WWOX: variants seen among roughly 807,000 people sequenced by gnomAD.
WWOX encodes WW domain-containing oxidoreductase.
WWOX carries 69 observed loss-of-function variants against 46.2 expected under a neutral mutation model. The ratio of observed to expected loss-of-function variants is 1.49; its 90% CI spans 1.23 to 1.82. The LOEUF (loss-of-function observed/expected upper bound fraction) is 1.82. WWOX is among the 40% of genes most tolerant of loss of function. WWOX has a pLI of 0.00. For missense variants in WWOX, 919 were observed against 542.6 expected, an observed-to-expected ratio of 1.69 and a Z score of -6.89; for synonymous variants, 359 against 202.6, an observed-to-expected ratio of 1.77 and a Z score of -6.56.
chr16:78,774,496 T>TGTGTGTG lies in WWOX; in HGVS notation c.1056+341744_1056+341745insGTGTGTG, dbSNP rs2050139676. 1.6e-3 allele frequency among the ~76,000 whole-genome samples: 239 copies of TGTGTGTG among 149,464 alleles called. 1 individual carries two copies. The highest frequency in any genetic ancestry group is 0.014 in the Middle Eastern group (4 of 288). On this transcript the variant is annotated intron_variant, in intron 8 of 8. Coordinates refer to ENST00000566780, the MANE Select transcript of WWOX (RefSeq NM_016373.4). ...CGGGCAGTTTCTTGACAGACCCATTTTGTGTGTGTGTGTGTGTGTGTGTGT... is the reference window on the plus strand; with the variant it reads ...CGGGCAGTTTCTTGACAGACCCATTTGTGTGTGTGTGTGTGTGTGTGTGTGTGTGTGT...
chr16:78,900,647 G>A (rs1223614361), intron 8 of WWOX, among the ~76,000 whole-genome samples: 1 of 151,960 alleles, frequency 6.6e-6, no homozygotes, highest in East Asian at 1.9e-4. Context: ...TTCCTCTTTG[G>A]TTGCTTTGTA....
At chr16:78,387,888 G>A (rs2082093444) in intron 6 of WWOX, among the ~76,000 whole-genome samples, 1 of 152,074 alleles carries the variant, frequency 6.6e-6, no homozygotes, top group African/African-American at 2.4e-5. Flanking sequence ...CACTGAATGT[G>A]GAGAGCTCTC....
chr16:78,702,984 T>C (rs1040489688), intron 8 of WWOX, among the ~76,000 whole-genome samples: 3 of 152,170 alleles, frequency 2.0e-5, no homozygotes, highest in African/African-American at 7.2e-5. Context: ...CATCATAGGA[T>C]AACTCTCCGC....
intron 8 of WWOX, among the ~76,000 whole-genome samples, chr16:78,470,993 C>T (rs773011460): frequency 6.8e-4 from 103 of 152,306 alleles, no homozygotes; most frequent in Non-Finnish European, 9.1e-4. Context: ...ACCAACAGCA[C>T]GTTTCCTTGA....
chr16:78,539,256 C>A (rs1042081733), intron 8 of WWOX, among the ~76,000 whole-genome samples: 1 of 152,212 alleles, frequency 6.6e-6, no homozygotes, highest in East Asian at 1.9e-4. Flanking sequence ...GATGCACAGA[C>A]AAAATCACAG....
intron 8 of WWOX, among the ~76,000 whole-genome samples, chr16:78,608,583 C>T (rs1811697692): frequency 3.3e-5 from 5 of 152,296 alleles, no homozygotes; most frequent in African/African-American, 9.6e-5. Context: ...GAGGTAAGTT[C>T]GTCAGACTTC....
intron 5 of WWOX, among the ~76,000 whole-genome samples, chr16:78,341,378 T>A (rs534590804): frequency 8.2e-6 from 1 of 121,322 alleles, no homozygotes; most frequent in East Asian, 1.9e-4. Flanking sequence ...TACTGCTGTT[T>A]TAGTGTGATT....
At chr16:78,492,617 T>C (rs1441829531) in intron 8 of WWOX, among the ~76,000 whole-genome samples, 1 of 152,224 alleles carries the variant, frequency 6.6e-6, no homozygotes, top group African/African-American at 2.4e-5. Flanking sequence ...CTCCTCCTTT[T>C]CAAAGAAGAC....
intron 8 of WWOX, among the ~76,000 whole-genome samples, chr16:78,536,995 C>T (rs565865854): frequency 2.0e-5 from 3 of 150,600 alleles, no homozygotes; most frequent in South Asian, 2.1e-4. Context: ...CAACTGACTG[C>T]AACGTGCACC....
At chr16:78,520,620 G>A (rs2043327581) in intron 8 of WWOX, among the ~76,000 whole-genome samples, 1 of 151,830 alleles carries the variant, frequency 6.6e-6, no homozygotes, top group African/African-American at 2.4e-5. Context: ...TAGACTGGGA[G>A]TGGGGTGGGG....
At position 78,099,735 on chromosome 16, in the gene WWOX, C is replaced by A. The variant is rs777783282; in HGVS notation, c.-44C>A. Reference sequence around the variant, plus strand: ...GGAGTGAGTTCCTGAGCGAGTGGACCCGGCAGCGGGCGATAGGGGGGCCAG... The same window carrying A: ...GGAGTGAGTTCCTGAGCGAGTGGACACGGCAGCGGGCGATAGGGGGGCCAG... On this transcript the variant is annotated 5_prime_UTR_variant, in exon 1 of 9. Transcript: ENST00000566780. 6 of 1,514,198 alleles carry A rather than the reference C, an allele frequency of 4.0e-6. No homozygotes were observed. In the East Asian group the frequency reaches 1.0e-4, roughly 26 times the overall value. 93.8% of individuals were successfully genotyped at this position (1,514,198 alleles called of 1,614,324 possible).
chr16:78,939,096 A>G (rs1406897585), intron 8 of WWOX, among the ~76,000 whole-genome samples: 2 of 152,206 alleles, frequency 1.3e-5, no homozygotes, highest in Non-Finnish European at 2.9e-5. Flanking sequence ...TTTAGACAGG[A>G]CAGTGGCCCC....
chr16:78,941,113 C>A (rs749585017), intron 8 of WWOX, among the ~76,000 whole-genome samples: 1 of 152,100 alleles, frequency 6.6e-6, no homozygotes, highest in Non-Finnish European at 1.5e-5. Context: ...GAATCCTCTT[C>A]TAGAAAGCGT....
At chr16:78,458,140 A>G (rs1021268867) in intron 8 of WWOX, among the ~76,000 whole-genome samples, 8 of 151,800 alleles carry the variant, frequency 5.3e-5, no homozygotes, top group African/African-American at 1.9e-4. Context: ...TAGAAGAGAA[A>G]TCCCTCAGAT....
In WWOX at chr16:79,069,909, C is replaced by T. The variant is rs936333335; in HGVS notation, c.1057-141699C>T. Among the ~76,000 whole-genome samples, 6 of 152,264 alleles carry T rather than the reference C, an allele frequency of 3.9e-5. No homozygotes were observed. In the East Asian group the frequency reaches 1.2e-3, roughly 29 times the overall value. On this transcript the variant is annotated intron_variant, in intron 8 of 8. Transcript: ENST00000566780. The stretch of plus-strand genomic sequence containing the variant: ...ACACCTTGTTTCAAATTTTTTCCCC[C>T]TCTATGACCAAAAAGTTACCCAAAC...
intron 8 of WWOX, among the ~76,000 whole-genome samples, chr16:78,512,213 A>C (rs528236159): frequency 6.6e-6 from 1 of 152,240 alleles, no homozygotes; most frequent in African/African-American, 2.4e-5. Flanking sequence ...AGCCATATAC[A>C]TGGAGAAGAA....
intron 8 of WWOX, among the ~76,000 whole-genome samples, chr16:78,488,233 G>C (rs1349388607): frequency 6.6e-6 from 1 of 152,172 alleles, no homozygotes; most frequent in African/African-American, 2.4e-5. Context: ...TACGCTGGAA[G>C]TTGGCATAGT....
chr16:78,840,838 T>C (rs548453388), intron 8 of WWOX, among the ~76,000 whole-genome samples: 110 of 152,186 alleles, frequency 7.2e-4, no homozygotes, highest in African/African-American at 2.6e-3. Context: ...TTCTTATAAA[T>C]TGGTAATCCC....
chr16:78,334,408 A>G (rs912206980), intron 5 of WWOX, among the ~76,000 whole-genome samples: 1 of 152,208 alleles, frequency 6.6e-6, no homozygotes, highest in Non-Finnish European at 1.5e-5. Context: ...AGCGAACAAC[A>G]AATAGTTCAG....
Sources: allele counts gnomAD v4.1 joint callset (sites outside exome capture counted in the v4.1 genomes callset), GRCh38; gene constraint gnomAD v4.1.1; transcripts MANE v1.5; gene names NCBI Gene and HGNC (gene_info 2026-07-23, HGNC 2026-07-21).